The following SMAD3 variants were observed in gnomAD, a reference collection of about 807,000 sequenced individuals.
SMAD3 encodes SMAD family member 3.
SMAD3 carries 12 observed loss-of-function variants against 51.8 expected under a neutral mutation model. That is an observed-to-expected ratio of 0.23 (90% CI 0.15 to 0.38). The LOEUF is 0.38. SMAD3 is among the 10% of genes least tolerant of loss of function. SMAD3 has a pLI of 1.00. For synonymous variants in SMAD3, 238 were observed against 227.7 expected (o/e 1.05, Z -0.41); for missense variants, 294 against 565.6 (o/e 0.52, Z 4.87).
chr15:67,083,145 C>A (rs538036841), intron 1 of SMAD3, among the ~76,000 whole-genome samples: 1 of 152,212 alleles, frequency 6.6e-6, no homozygotes. Flanking sequence ...TGAAACCAGA[C>A]GAAGTTGCCG....
intron 1 of SMAD3, among the ~76,000 whole-genome samples, chr15:67,109,096 G>A (rs1366589425): frequency 1.3e-5 from 2 of 152,202 alleles, no homozygotes; most frequent in Middle Eastern, 3.2e-3. Flanking sequence ...GCCTGATAAA[G>A]CATGGTCACT....
chr15:67,095,256 G>A (rs1011044336), intron 1 of SMAD3, among the ~76,000 whole-genome samples: 3 of 152,196 alleles, frequency 2.0e-5, no homozygotes, highest in African/African-American at 7.2e-5. Flanking sequence ...ATCTGGTCCT[G>A]AGGTGGGTGA....
chr15:67,136,047 C>A (rs1961652592), intron 1 of SMAD3, among the ~76,000 whole-genome samples: 1 of 152,064 alleles, frequency 6.6e-6, no homozygotes, highest in African/African-American at 2.4e-5. Flanking sequence ...TTTGTAAAGC[C>A]AAATAACCCC....
At chr15:67,156,849 G>C (rs962563450) in intron 1 of SMAD3, among the ~76,000 whole-genome samples, 6 of 152,220 alleles carry the variant, frequency 3.9e-5, no homozygotes, top group African/African-American at 1.2e-4. Flanking sequence ...TGATGGCAGA[G>C]GTACGAGAGG....
chr15:67,147,266 A>G (rs976810831), intron 1 of SMAD3, among the ~76,000 whole-genome samples: 5 of 152,166 alleles, frequency 3.3e-5, no homozygotes, highest in African/African-American at 1.2e-4. Flanking sequence ...TGTGGCCCCA[A>G]CAGCTGGGTG....
intron 6 of SMAD3, among the ~76,000 whole-genome samples, chr15:67,183,186 G>A (rs1963133218): frequency 6.6e-6 from 1 of 150,544 alleles, no homozygotes; most frequent in African/African-American, 2.4e-5. Flanking sequence ...GGGATTACAG[G>A]CATGTGCCAC....
chr15:67,155,480 A>G (rs1962258229), intron 1 of SMAD3, among the ~76,000 whole-genome samples: 1 of 152,218 alleles, frequency 6.6e-6, no homozygotes, highest in African/African-American at 2.4e-5. Flanking sequence ...ATTAAAGAGC[A>G]GCAGAAAGAG....
At chr15:67,183,619 G>C (rs533833230) in intron 6 of SMAD3, among the ~76,000 whole-genome samples, 2 of 152,242 alleles carry the variant, frequency 1.3e-5, no homozygotes, top group African/African-American at 4.8e-5. Context: ...CGGATGCTGG[G>C]CCTGTAATAT....
Position 67,179,804 on chromosome 15 carries a change from A to T in SMAD3, c.659-1437A>T, listed in dbSNP as rs528873859. Among the ~76,000 whole-genome samples the T allele has an allele frequency of 1.3e-4, 20 of 152,156 alleles. 1 individual carries two copies. The South Asian group carries it at 4.2e-3, about 32-fold the overall frequency. On this transcript the variant is annotated intron_variant, in intron 5 of 8. Coordinates refer to ENST00000327367, the MANE Select transcript of SMAD3 (RefSeq NM_005902.4). ...ATCCAGTGAGCAGGGTTCTCAGGCC[A>T]GGGCTGAGACGTGGGCATGGGGAGC...
In SMAD3 at chr15:67,184,786, A is replaced by G. The variant is rs757548494; in HGVS notation, c.931A>G (p.Ser311Gly). ...GGTCTTCGCAGAGTGCCTCAGTGAC[A>G]GCGCTATTTTTGTCCAGTCTCCCAA... Reference protein sequence around the residue: ...GEVFAECLSDSAIFVQSPNCN... With the variant: ...GEVFAECLSDGAIFVQSPNCN... Residue 311 changes from serine to glycine, a missense_variant, in exon 7 of 9, where the codon AGC becomes GGC. Transcript: ENST00000327367. 8.1e-6 allele frequency: 13 copies of G among 1,613,974 alleles called. No homozygotes were observed. The highest frequency in any genetic ancestry group is 1.0e-5 in the Non-Finnish European group (12 of 1,180,028).
chr15:67,188,582 G>A (rs1963283422), intron 8 of SMAD3, among the ~76,000 whole-genome samples: 1 of 152,206 alleles, frequency 6.6e-6, no homozygotes, highest in African/African-American at 2.4e-5. Context: ...GAGAGGCAGG[G>A]CTGTGTGCCC....
Position 67,193,818 on chromosome 15 carries a change from A to G in SMAD3, c.*3282A>G, listed in dbSNP as rs185512187. On this transcript the variant is annotated 3_prime_UTR_variant, in exon 9 of 9. Coordinates refer to ENST00000327367, the MANE Select transcript of SMAD3 (RefSeq NM_005902.4). ...TTTCTCCATCTCCCCTTGGCTTCCT[A>G]GAGTTTGGACATATTCCAGGCTAAA... 2.1e-5 allele frequency: 5 copies of G among 233,212 alleles called. No individual in the cohort carries two copies. In the East Asian group the frequency reaches 3.0e-4, roughly 14 times the overall value. 14.4% of individuals were successfully genotyped at this position (233,212 alleles called of 1,614,324 possible).
rs562012393 is a variant in SMAD3, at chr15:67,123,456, G to T, written c.207-41439G>T. 3.2e-3 allele frequency among the ~76,000 whole-genome samples: 490 copies of T among 152,202 alleles called. 1 individual carries two copies. The highest frequency in any genetic ancestry group is 0.011 in the African/African-American group (468 of 41,512). On this transcript the variant is annotated intron_variant, in intron 1 of 8. Coordinates refer to ENST00000327367, the MANE Select transcript of SMAD3 (RefSeq NM_005902.4). ...GGAGTTTGCAGTGAGCCAAGATTGT[G>T]CCATCGCACTCCAGCTTGGGCAACA... is the stretch of plus-strand genomic sequence containing the variant.
At chr15:67,079,959 A>C (rs2140203372) in intron 1 of SMAD3, among the ~76,000 whole-genome samples, 1 of 152,348 alleles carries the variant, frequency 6.6e-6, no homozygotes, top group Middle Eastern at 3.4e-3. Context: ...CTGAAGCTCT[A>C]CACCTTCTAG....
intron 1 of SMAD3, among the ~76,000 whole-genome samples, chr15:67,109,268 C>T (rs1960949008): frequency 6.6e-6 from 1 of 152,140 alleles, no homozygotes. Context: ...GCTTGCCATG[C>T]ACTGAAAAAT....
chr15:67,160,894 CTTAG>C (rs1215403414), intron 1 of SMAD3, among the ~76,000 whole-genome samples: 1 of 147,044 alleles, frequency 6.8e-6, no homozygotes, highest in Non-Finnish European at 1.5e-5. Flanking sequence ...AATATTTTCT[CTTAG>C]TTAGTGCTTG....
chr15:67,158,524 C>T (rs564803613), intron 1 of SMAD3, among the ~76,000 whole-genome samples: 1 of 152,344 alleles, frequency 6.6e-6, no homozygotes, highest in South Asian at 2.1e-4. Context: ...TGCTCACAAG[C>T]TGGAGAGTGA....
intron 1 of SMAD3, among the ~76,000 whole-genome samples, chr15:67,072,569 A>G (rs1048456824): frequency 3.9e-5 from 6 of 152,182 alleles, no homozygotes; most frequent in Non-Finnish European, 7.3e-5. Context: ...CCCTCCCCCA[A>G]ATCCCCATCT....
In SMAD3 at chr15:67,178,249, A is replaced by G. The variant is rs143516956; in HGVS notation, c.659-2992A>G. On this transcript the variant is annotated intron_variant, in intron 5 of 8. Transcript: ENST00000327367. ...TTCCCCAGAGCATGGTTCTAGCACC[A>G]TGCGACACAATGGGTGGCCTGCCAG... Among the ~76,000 whole-genome samples the G allele has an allele frequency of 9.6e-3, 1,465 of 152,250 alleles. 14 individuals are homozygous for G. The highest frequency in any genetic ancestry group is 0.014 in the Non-Finnish European group (961 of 68,020).
Sources: allele counts gnomAD v4.1 joint callset (sites outside exome capture counted in the v4.1 genomes callset), GRCh38; gene constraint gnomAD v4.1.1; transcripts MANE v1.5; gene names NCBI Gene and HGNC (gene_info 2026-07-23, HGNC 2026-07-21).